The following SIPA1L3 variants were observed in gnomAD, a reference collection of about 807,000 sequenced individuals.
SIPA1L3 encodes the protein signal-induced proliferation-associated 1-like protein 3.
Under a neutral mutation model 150.1 loss-of-function variants are expected in SIPA1L3, and 59 were observed. That is an observed-to-expected ratio of 0.39 (90% CI 0.32 to 0.49). SIPA1L3 has a LOEUF of 0.49. Ranked by LOEUF, SIPA1L3 falls within the 20% of genes least tolerant of loss-of-function variation. The pLI, the probability that SIPA1L3 is intolerant of heterozygous loss-of-function variation, is 0.86. For synonymous variants in SIPA1L3, 1,070 were observed against 1,077.6 expected, an observed-to-expected ratio of 0.99 and a Z score of 0.14; for missense variants, 2,211 against 2,489.5, an observed-to-expected ratio of 0.89 and a Z score of 2.38.
intron 6 of SIPA1L3, among the ~76,000 whole-genome samples, chr19:38,102,588 C>G (rs889971093): frequency 3.3e-4 from 42 of 127,342 alleles, no homozygotes; most frequent in African/African-American, 1.3e-3. Context: ...AAGACCCTGT[C>G]TCTGAAAAAA....
At chr19:38,172,455 C>T (rs1464699373) in intron 15 of SIPA1L3, among the ~76,000 whole-genome samples, 2 of 152,154 alleles carry the variant, frequency 1.3e-5, no homozygotes, top group African/African-American at 2.4e-5. Flanking sequence ...GCCGAACCAC[C>T]GTGGAGTGTG....
At chr19:38,042,304 A>G (rs910530455) in intron 2 of SIPA1L3, among the ~76,000 whole-genome samples, 2 of 151,898 alleles carry the variant, frequency 1.3e-5, no homozygotes, top group Non-Finnish European at 2.9e-5. Flanking sequence ...TTTCTGGGCT[A>G]TTTTATTCTG....
intron 4 of SIPA1L3, 83 bp downstream of exon 4, chr19:38,088,934 C>G: frequency 6.7e-7 from 1 of 1,482,788 alleles, no homozygotes; most frequent in South Asian, 1.2e-5. Flanking sequence ...AACGCTTCCC[C>G]AGCTTCATCT....
At position 38,119,411 on chromosome 19, in the gene SIPA1L3, G is replaced by A; in HGVS notation, c.2397G>A (p.Lys799=). 1.9e-6 allele frequency: 3 copies of A among 1,614,180 alleles called. No homozygotes were observed. Among genetic ancestry groups the A allele is most frequent in the Non-Finnish European group, 2.5e-6 (3 of 1,180,040 alleles). The part of the protein sequence containing the change: ...SDVFRDFLLA[K]VINAENAAHK... ...TCTTCAGAGACTTCTTGCTGGCCAA[G>A]GTGATTAACGCTGAGAACGCCGCGC... Residue 799 remains lysine (K), a synonymous_variant, in exon 9 of 22, where the codon AAG becomes AAA. Transcript: ENST00000222345.
At chr19:38,021,538 C>G (rs1370138940) in intron 1 of SIPA1L3, among the ~76,000 whole-genome samples, 4 of 148,264 alleles carry the variant, frequency 2.7e-5, no homozygotes, top group African/African-American at 7.5e-5. Flanking sequence ...TTAGATGAGT[C>G]TGATCCTTTT....
intron 1 of SIPA1L3, among the ~76,000 whole-genome samples, chr19:37,930,534 C>G (rs2046544467): frequency 6.6e-6 from 1 of 152,140 alleles, no homozygotes; most frequent in Non-Finnish European, 1.5e-5. Context: ...GTGACCATCC[C>G]TTTTGCAGAC....
chr19:38,139,198 A>G (rs1403100584), intron 10 of SIPA1L3, among the ~76,000 whole-genome samples: 1 of 152,110 alleles, frequency 6.6e-6, no homozygotes, highest in Non-Finnish European at 1.5e-5. Context: ...TCCATCTCAA[A>G]AAAAACAAAC....
At position 38,082,453 on chromosome 19, in the gene SIPA1L3, G is replaced by C. The variant is rs768508924; in HGVS notation, c.888G>C (p.Thr296=). ...KPARGLGGGD[T]VDSSIFRKLR... ...CGCGGGGCCTCGGCGGCGGGGACACGGTGGACTCGTCCATCTTTCGGAAGC... is the reference window on the plus strand; with the variant it reads ...CGCGGGGCCTCGGCGGCGGGGACACCGTGGACTCGTCCATCTTTCGGAAGC... The change falls in exon 3 of 22, where the codon ACG becomes ACC. Residue 296 remains threonine (T), a synonymous_variant. Transcript: ENST00000222345. 12 of 1,590,092 alleles carry C rather than the reference G, an allele frequency of 7.5e-6. No individual in the cohort carries two copies. The highest frequency in any genetic ancestry group is 1.1e-5 in the South Asian group (1 of 88,964).
At chr19:38,145,134 CTGTTGT>C (rs139738083) in intron 12 of SIPA1L3, among the ~76,000 whole-genome samples, 27,759 of 151,680 alleles carry the variant, frequency 0.18, 2,917 homozygotes, top group African/African-American at 0.29. Flanking sequence ...CTCTTGGGAA[CTGTTGT>C]TGTTGTTGTT....
At position 38,022,763 on chromosome 19, in the gene SIPA1L3, C is replaced by T. The variant is rs556143087; in HGVS notation, c.-378-6326C>T. Among the ~76,000 whole-genome samples the T allele has an allele frequency of 5.3e-5, 8 of 152,230 alleles. No homozygotes were observed. In the South Asian group the frequency reaches 1.7e-3, roughly 32 times the overall value. On this transcript the variant is annotated intron_variant, in intron 1 of 21. Transcript: ENST00000222345. ...AACAAAACACAACAGAAAACAGTGC[C>T]TGGCATGTAGTAAAATCACAACGAA...
intron 1 of SIPA1L3, among the ~76,000 whole-genome samples, chr19:38,006,758 C>T (rs374461370): frequency 1.0e-3 from 157 of 152,206 alleles, no homozygotes; most frequent in South Asian, 6.4e-3. Context: ...TGAGTATGAC[C>T]GGGCACACAC....
chr19:37,960,598 G>A (rs994744594), intron 1 of SIPA1L3, among the ~76,000 whole-genome samples: 9 of 151,560 alleles, frequency 5.9e-5, no homozygotes, highest in Non-Finnish European at 8.8e-5. Context: ...TAGTAGAGAC[G>A]GGGTTTCACC....
intron 2 of SIPA1L3, among the ~76,000 whole-genome samples, chr19:38,062,466 T>C (rs528304336): frequency 4.6e-5 from 7 of 152,308 alleles, no homozygotes; most frequent in South Asian, 2.1e-4. Context: ...CTCAGGATGC[T>C]GTGTGGGCTC....
chr19:38,056,234 G>GC (rs1196425095), intron 2 of SIPA1L3, among the ~76,000 whole-genome samples: 1 of 152,220 alleles, frequency 6.6e-6, no homozygotes, highest in Non-Finnish European at 1.5e-5. Flanking sequence ...GGCCACTCTT[G>GC]CCCCCACGTG....
At chr19:38,093,329 G>A (rs1372439899) in intron 4 of SIPA1L3, among the ~76,000 whole-genome samples, 7 of 152,302 alleles carry the variant, frequency 4.6e-5, no homozygotes, top group Middle Eastern at 3.4e-3. Context: ...TGCTCCGTGG[G>A]TTGGAGACGT....
chr19:38,136,206 A>AAAAAAT (rs1568569663), intron 10 of SIPA1L3, among the ~76,000 whole-genome samples: 1 of 149,204 alleles, frequency 6.7e-6, no homozygotes, highest in Non-Finnish European at 1.5e-5. Flanking sequence ...AAAAAAAAAA[A>AAAAAAT]GAAGAATGCG....
intron 2 of SIPA1L3, among the ~76,000 whole-genome samples, chr19:38,053,930 G>T (rs1026436350): frequency 8.0e-5 from 12 of 149,606 alleles, no homozygotes; most frequent in Admixed American, 7.3e-4. Flanking sequence ...GAAAGCAATG[G>T]CAAAAACCGC....
At chr19:38,101,296 G>A (rs1970497693) in intron 6 of SIPA1L3, 70 bp downstream of exon 6, 2 of 1,217,040 alleles carry the variant, frequency 1.6e-6, no homozygotes, top group East Asian at 5.9e-5. Context: ...AAGCTTAAAA[G>A]GCCTGGGGAT....
At chr19:38,190,011 G>A (rs1219859864) in intron 16 of SIPA1L3, among the ~76,000 whole-genome samples, 1 of 152,178 alleles carries the variant, frequency 6.6e-6, no homozygotes, top group Non-Finnish European at 1.5e-5. Context: ...GCTGGGGGCT[G>A]CTGTCTGCTC....
Sources: gnomAD v4.1 joint callset for allele counts (sites outside exome capture counted in the v4.1 genomes callset) on GRCh38, gnomAD v4.1.1 for gene constraint, MANE v1.5 for transcripts, NCBI Gene and HGNC (gene_info 2026-07-23, HGNC 2026-07-21) for gene names.